TCAIM: variants seen among roughly 807,000 people sequenced by gnomAD.
TCAIM encodes the protein T-cell activation inhibitor, mitochondrial.
Under a neutral mutation model 58.6 loss-of-function variants are expected in TCAIM, and 36 were observed. The observed-to-expected ratio is 0.61, with a 90% confidence interval of 0.47 to 0.81. The LOEUF is 0.81. Among genes scored for constraint, TCAIM ranks in the 30% least tolerant of loss-of-function variants. The pLI is 0.00. For missense variants in TCAIM, 466 were observed against 579.6 expected (o/e 0.80, Z 2.01); for synonymous variants, 172 against 193.6 (o/e 0.89, Z 0.93).
At chr3:44,376,612 AAAAAT>A (rs892343669) in intron 5 of TCAIM, among the ~76,000 whole-genome samples, 2 of 152,228 alleles carry the variant, frequency 1.3e-5, no homozygotes, top group African/African-American at 2.4e-5. Context: ...TTGCCACAAA[AAAAAT>A]AAAATCAATT....
rs575768265 is a variant in TCAIM at position 44,392,079 on chromosome 3, T to G, written c.573-776T>G. Among the ~76,000 whole-genome samples, 113 of 152,326 alleles carry G rather than the reference T, an allele frequency of 7.4e-4. 1 individual carries two copies. Among genetic ancestry groups the G allele is most frequent in the Admixed American group, 2.1e-3 (32 of 15,304 alleles). ...AAACACACTTTGAAGTATTTTTAAT[T>G]TAAAAAAATATTCTATCTCTAGGAA... On this transcript the variant is annotated intron_variant, in intron 5 of 10. Coordinates refer to ENST00000342649, the MANE Select transcript of TCAIM (RefSeq NM_173826.4).
At chr3:44,362,870 T>C (rs1701314901) in intron 4 of TCAIM, 1 of 153,022 alleles carries the variant, frequency 6.5e-6, no homozygotes, top group Non-Finnish European at 1.5e-5. Flanking sequence ...ATATTTTTAA[T>C]AGATGTATGC....
chr3:44,395,698 C>T (rs368387846), intron 6 of TCAIM, among the ~76,000 whole-genome samples: 7 of 152,316 alleles, frequency 4.6e-5, no homozygotes, highest in South Asian at 2.1e-4. Context: ...ATAAAAAGAA[C>T]CTGAGGTCAG....
At chr3:44,377,082 T>G (rs1309112079) in intron 5 of TCAIM, among the ~76,000 whole-genome samples, 3 of 152,130 alleles carry the variant, frequency 2.0e-5, no homozygotes, top group Non-Finnish European at 4.4e-5. Flanking sequence ...AGAGTGAGAC[T>G]CCGTCTCAAA....
chr3:44,401,413 G>GA, intron 10 of TCAIM, 79 bp downstream of exon 10: 1 of 1,549,178 alleles, frequency 6.5e-7, no homozygotes, highest in Admixed American at 1.8e-5. Flanking sequence ...TCATAAATAT[G>GA]GGACCTGGAA....
At chr3:44,395,568 A>G (rs1427842608) in intron 6 of TCAIM, among the ~76,000 whole-genome samples, 2 of 152,218 alleles carry the variant, frequency 1.3e-5, no homozygotes, top group African/African-American at 4.8e-5. Flanking sequence ...CTCTTCAGTT[A>G]CACAGCAGGG....
intron 8 of TCAIM, among the ~76,000 whole-genome samples, chr3:44,399,788 G>T (rs1701993880): frequency 6.6e-6 from 1 of 152,062 alleles, no homozygotes; most frequent in Non-Finnish European, 1.5e-5. Context: ...GCCTGATTTG[G>T]CATTTAGCAT....
chr3:44,390,058 T>C (rs1701809393), intron 5 of TCAIM, among the ~76,000 whole-genome samples: 2 of 152,242 alleles, frequency 1.3e-5, no homozygotes, highest in African/African-American at 4.8e-5. Flanking sequence ...TCTTTTCTCA[T>C]AATAGTTCTT....
At chr3:44,398,089 A>G (rs2125655175) in intron 8 of TCAIM, among the ~76,000 whole-genome samples, 2 of 152,182 alleles carry the variant, frequency 1.3e-5, no homozygotes, top group East Asian at 3.9e-4. Context: ...ATGAAATGAC[A>G]TGTTGCCAAA....
At chr3:44,372,193 G>T (rs546134333) in intron 5 of TCAIM, among the ~76,000 whole-genome samples, 6 of 152,298 alleles carry the variant, frequency 3.9e-5, no homozygotes, top group Admixed American at 3.9e-4. Context: ...GTACCCGTGG[G>T]TGGGCTTGGA....
intron 5 of TCAIM, among the ~76,000 whole-genome samples, chr3:44,370,730 A>ATTTC (rs978992005): frequency 2.1e-5 from 3 of 140,894 alleles, no homozygotes; most frequent in African/African-American, 7.9e-5. Flanking sequence ...TTCTTTTTTA[A>ATTTC]TTTCTTTCTT....
intron 5 of TCAIM, among the ~76,000 whole-genome samples, chr3:44,372,246 T>G (rs1701490176): frequency 6.6e-6 from 1 of 152,162 alleles, no homozygotes. Context: ...TACTGATTTT[T>G]TTATATCTGT....
At chr3:44,357,655 C>T (rs970550715) in intron 2 of TCAIM, 86 bp from the exon 3 acceptor site, 16 of 1,528,090 alleles carry the variant, frequency 1.0e-5, no homozygotes, top group African/African-American at 8.3e-5. Context: ...GTGCATAGTA[C>T]GTTTAGTTTT....
chr3:44,361,370 C>T lies in TCAIM; in HGVS notation c.171C>T (p.Ile57=). Residue 57 remains isoleucine (I), a synonymous_variant, in exon 4 of 11, where the codon ATC becomes ATT. Coordinates refer to ENST00000342649, the MANE Select transcript of TCAIM (RefSeq NM_173826.4). ...FFGQHPVERE[I]NENSLKRLSV... is the part of the protein sequence containing the mutation. ...CCCTTAATGTTTTTTTCCAGGAAATCAATGAAAATTCTCTTAAAAGGTTAA... is the reference window on the plus strand; with the variant it reads ...CCCTTAATGTTTTTTTCCAGGAAATTAATGAAAATTCTCTTAAAAGGTTAA... The T allele has an allele frequency of 6.3e-7, 1 of 1,585,828 alleles. No homozygotes were observed. Among genetic ancestry groups the T allele is most frequent in the South Asian group, 1.2e-5 (1 of 84,702 alleles).
chr3:44,376,439 G>A (rs903846208), intron 5 of TCAIM, among the ~76,000 whole-genome samples: 2 of 152,162 alleles, frequency 1.3e-5, no homozygotes, highest in Admixed American at 6.5e-5. Flanking sequence ...AAGAGTTGGG[G>A]AGAGCTAGTA....
intron 3 of TCAIM, among the ~76,000 whole-genome samples, chr3:44,361,078 A>G (rs1271271006): frequency 6.6e-6 from 1 of 152,254 alleles, no homozygotes; most frequent in African/African-American, 2.4e-5. Flanking sequence ...TGGGATATTT[A>G]GTCATTGGCA....
At chr3:44,394,910 AAAAAAAAAAAAATATATATATAT>A (rs1701900985) in intron 6 of TCAIM, among the ~76,000 whole-genome samples, 3 of 51,972 alleles carry the variant, frequency 5.8e-5, no homozygotes, top group East Asian at 5.6e-4. Flanking sequence ...AAAAAAAAAA[AAAAAAAAAAAAATATATATATAT>A]ATATATATAT....
intron 1 of TCAIM, among the ~76,000 whole-genome samples, chr3:44,347,893 G>A (rs1261224500): frequency 6.6e-6 from 1 of 152,118 alleles, no homozygotes; most frequent in Non-Finnish European, 1.5e-5. Flanking sequence ...GACACAAGGG[G>A]AGGATGTGAA....
chr3:44,388,081 A>C (rs1305658178), intron 5 of TCAIM, among the ~76,000 whole-genome samples: 1 of 151,798 alleles, frequency 6.6e-6, no homozygotes, highest in Non-Finnish European at 1.5e-5. Flanking sequence ...TTTTTCCCTG[A>C]ACCATTTGAG....
Sources: allele counts gnomAD v4.1 joint callset (sites outside exome capture counted in the v4.1 genomes callset), GRCh38; gene constraint gnomAD v4.1.1; transcripts MANE v1.5; gene names NCBI Gene and HGNC (gene_info 2026-07-23, HGNC 2026-07-21).